Variants in CADPS2 observed in about 807,000 individuals in gnomAD.
CADPS2 encodes the protein calcium dependent secretion activator 2, also known as calcium-dependent secretion activator 2.
A neutral mutation model predicts 172.5 loss-of-function variants in CADPS2; 93 were observed. The ratio of observed to expected loss-of-function variants is 0.54; its 90% CI spans 0.46 to 0.64. CADPS2 has a LOEUF of 0.64. CADPS2 is among the 30% of genes least tolerant of loss of function. CADPS2 has a pLI of 0.00. For synonymous variants in CADPS2, 546 were observed against 555.2 expected, an observed-to-expected ratio of 0.98 and a Z score of 0.23; for missense variants, 1,420 against 1,565.9, an observed-to-expected ratio of 0.91 and a Z score of 1.57.
chr7:122,492,081 A>G (rs2058338880), intron 9 of CADPS2, among the ~76,000 whole-genome samples: 1 of 152,122 alleles, frequency 6.6e-6, no homozygotes, highest in South Asian at 2.1e-4. Context: ...CTGAGGTAGA[A>G]GAATTGCTTG....
intron 2 of CADPS2, among the ~76,000 whole-genome samples, chr7:122,733,144 G>A (rs2091846280): frequency 6.6e-6 from 1 of 151,422 alleles, no homozygotes; most frequent in Admixed American, 6.6e-5. Context: ...AACATGAAAG[G>A]CCAACCATGC....
intron 1 of CADPS2, among the ~76,000 whole-genome samples, chr7:122,773,772 A>G (rs2093778820): frequency 6.6e-6 from 1 of 152,074 alleles, no homozygotes; most frequent in Admixed American, 6.5e-5. Context: ...CTACTTTTCC[A>G]TAACTGTACT....
At position 122,809,405 on chromosome 7, in the gene CADPS2, T is replaced by TA. The variant is rs560420249; in HGVS notation, c.340-72338dup. Among the ~76,000 whole-genome samples, 837 of 120,870 alleles carry TA rather than the reference T, an allele frequency of 6.9e-3. 1 individual carries two copies. Among genetic ancestry groups the TA allele is most frequent in the Middle Eastern group, 9.1e-3 (2 of 220 alleles). 79.3% of individuals were successfully genotyped at this position (120,870 alleles called of 152,430 possible). Reference sequence around the variant, plus strand: ...CAAGATGGTGAAACCCCATCTCTACTAAAAAAAAAAAAAAGAAAAAAAAAA... The same window carrying TA: ...CAAGATGGTGAAACCCCATCTCTACTAAAAAAAAAAAAAAAGAAAAAAAAAA... On this transcript the variant is annotated intron_variant, in intron 1 of 29. Transcript: ENST00000449022.
At position 122,513,302 on chromosome 7, in the gene CADPS2, G is replaced by A; in HGVS notation, c.1489C>T (p.Leu497Phe). 6.4e-7 allele frequency: 1 copy of A among 1,559,696 alleles called. No individual in the cohort carries two copies. The highest frequency in any genetic ancestry group is 1.2e-5 in the South Asian group (1 of 84,566). ...HMKHSGYLYALGQKVWKRWKK... is the reference protein window; with the variant it reads ...HMKHSGYLYAFGQKVWKRWKK... The stretch of plus-strand genomic sequence containing the variant: ...CATCTTTTCCAAACCTTCTGTCCAA[G>A]GGCATACAGATATCTGGAAAGAAAA... The change falls in exon 9 of 30, where the codon CTT (leucine) becomes TTT (phenylalanine). Residue 497 changes from leucine (L) to phenylalanine (F), a missense_variant. Physicochemically the swap from Leu to Phe is conservative, Grantham distance 22. Transcript: ENST00000449022.
intron 1 of CADPS2, among the ~76,000 whole-genome samples, chr7:122,750,573 T>C (rs12538235): frequency 0.23 from 35,657 of 151,950 alleles, 4,463 homozygotes; most frequent in African/African-American, 0.32. Context: ...CTTTTCAGTG[T>C]TGTCTGAAAA....
intron 6 of CADPS2, among the ~76,000 whole-genome samples, chr7:122,607,994 G>A (rs1012069024): frequency 4.6e-5 from 7 of 152,040 alleles, no homozygotes; most frequent in Non-Finnish European, 1.0e-4. Context: ...CGAGGTGGGT[G>A]GATCACGAGG....
At chr7:122,472,835 T>G (rs2056154444) in intron 13 of CADPS2, among the ~76,000 whole-genome samples, 1 of 152,298 alleles carries the variant, frequency 6.6e-6, no homozygotes, top group African/African-American at 2.4e-5. Flanking sequence ...ATTAATGAAC[T>G]GTTAGTGTCA....
chr7:122,808,562 G>A (rs1323318817), intron 1 of CADPS2, among the ~76,000 whole-genome samples: 1 of 152,142 alleles, frequency 6.6e-6, no homozygotes, highest in Non-Finnish European at 1.5e-5. Context: ...GTTGCTTTGA[G>A]GCAAGGAAGT....
intron 1 of CADPS2, among the ~76,000 whole-genome samples, chr7:122,880,023 TTA>T (rs1822454989): frequency 1.3e-5 from 2 of 152,076 alleles, no homozygotes; most frequent in African/African-American, 4.8e-5. Flanking sequence ...ACTTTAATAA[TTA>T]TGTTAGAATG....
At chr7:122,455,738 CCT>C (rs1297992883) in intron 14 of CADPS2, among the ~76,000 whole-genome samples, 1 of 151,744 alleles carries the variant, frequency 6.6e-6, no homozygotes, top group African/African-American at 2.4e-5. Context: ...ATGGAGTCTC[CCT>C]CTGTCACCCA....
In CADPS2 at chr7:122,621,576, A is replaced by G; in HGVS notation, c.1009T>C (p.Leu337=). 6.2e-7 allele frequency: 1 copy of G among 1,613,882 alleles called. No individual in the cohort carries two copies. The highest frequency in any genetic ancestry group is 8.5e-7 in the Non-Finnish European group (1 of 1,179,836). The change falls in exon 5 of 30, where the codon TTA becomes CTA. Residue 337 remains leucine (L), a synonymous_variant. Coordinates refer to ENST00000449022, the MANE Select transcript of CADPS2 (RefSeq NM_017954.11). The part of the protein sequence containing the change: ...KGGPEFKLQK[L]KRSQNSAFLD... ...AATGCAGAGTTCTGTGAACGTTTTA[A>G]TTTTTGTAATTTAAATTCCGGACCA... is the stretch of plus-strand genomic sequence containing the variant.
At chr7:122,854,420 A>G (rs1814612040) in intron 1 of CADPS2, among the ~76,000 whole-genome samples, 2 of 152,324 alleles carry the variant, frequency 1.3e-5, no homozygotes, top group South Asian at 4.1e-4. Flanking sequence ...TACTCACAGT[A>G]TTCAATAATG....
At chr7:122,666,618 A>G (rs1369862807) in intron 2 of CADPS2, among the ~76,000 whole-genome samples, 1 of 152,152 alleles carries the variant, frequency 6.6e-6, no homozygotes, top group Non-Finnish European at 1.5e-5. Context: ...CTGGGATTAC[A>G]GGTATGAGTC....
In CADPS2 at chr7:122,581,303, A is replaced by G. The variant is rs2068775079; in HGVS notation, c.1224-13T>C. 1 of 1,577,614 alleles carries G rather than the reference A, an allele frequency of 6.3e-7. No individual in the cohort carries two copies. Among genetic ancestry groups the G allele is most frequent in the South Asian group, 1.1e-5 (1 of 89,600 alleles). On this transcript the variant is annotated splice_polypyrimidine_tract_variant and intron_variant, in intron 6 of 29. Coordinates refer to ENST00000449022, the MANE Select transcript of CADPS2 (RefSeq NM_017954.11). ...TTGAGTCCCCCATCTGTAATGAAGT[A>G]AAAAAAATGTTTCTTAAAATGCAGC...
chr7:122,373,385 C>G (rs1052791438), intron 25 of CADPS2, among the ~76,000 whole-genome samples: 11 of 152,124 alleles, frequency 7.2e-5, no homozygotes, highest in Non-Finnish European at 1.0e-4. Context: ...TGCATTTTAA[C>G]AGTTCTCAGG....
At chr7:122,468,469 T>C in intron 14 of CADPS2, among the ~76,000 whole-genome samples, 1 of 152,340 alleles carries the variant, frequency 6.6e-6, no homozygotes, top group Middle Eastern at 3.4e-3. Context: ...GAAATATTTC[T>C]ATTTAGCATG....
At chr7:122,560,954 G>T (rs1318018626) in intron 7 of CADPS2, among the ~76,000 whole-genome samples, 2 of 152,098 alleles carry the variant, frequency 1.3e-5, no homozygotes, top group Admixed American at 1.3e-4. Flanking sequence ...CTTATAGTAT[G>T]TGAAGATGGA....
At chr7:122,442,473 AAACT>A (rs1476739026) in intron 15 of CADPS2, among the ~76,000 whole-genome samples, 1 of 152,196 alleles carries the variant, frequency 6.6e-6, no homozygotes, top group Non-Finnish European at 1.5e-5. Context: ...AGAAATCTGC[AAACT>A]AATAACTTGG....
intron 8 of CADPS2, among the ~76,000 whole-genome samples, chr7:122,539,891 T>C (rs2062743899): frequency 6.6e-6 from 1 of 151,870 alleles, no homozygotes; most frequent in Non-Finnish European, 1.5e-5. Flanking sequence ...AAACATTTTT[T>C]CACCTTTTTT....
Sources: gnomAD v4.1 joint callset for allele counts (sites outside exome capture counted in the v4.1 genomes callset) on GRCh38, gnomAD v4.1.1 for gene constraint, MANE v1.5 for transcripts, NCBI Gene and HGNC (gene_info 2026-07-23, HGNC 2026-07-21) for gene names.